Variants in USP39 observed in about 807,000 individuals in gnomAD.
USP39 encodes the protein ubiquitin carboxyl-terminal hydrolase 39.
Under a neutral mutation model 66.4 loss-of-function variants are expected in USP39, and 38 were observed. The ratio of observed to expected loss-of-function variants is 0.57; its 90% CI spans 0.44 to 0.75. The LOEUF is 0.75. Among genes scored for constraint, USP39 ranks in the 30% least tolerant of loss-of-function variants. USP39 has a pLI of 0.00. For synonymous variants in USP39, 303 were observed against 274.6 expected (o/e 1.10, Z -1.02); for missense variants, 608 against 714.4 (o/e 0.85, Z 1.70).
chr2:85,643,916 G>A (rs1676443958), intron 10 of USP39, among the ~76,000 whole-genome samples: 1 of 152,080 alleles, frequency 6.6e-6, no homozygotes, highest in Admixed American at 6.5e-5. Context: ...GCCTCCCAAA[G>A]TGTTGGGATT....
At position 85,628,131 on chromosome 2, in the gene USP39, C is replaced by G. The variant is rs932591214; in HGVS notation, c.723+2440C>G. Among the ~76,000 whole-genome samples the G allele has an allele frequency of 8.5e-5, 13 of 152,114 alleles. No homozygotes were observed. The South Asian group carries it at 2.7e-3, about 32-fold the overall frequency. On this transcript the variant is annotated intron_variant, in intron 5 of 12. Transcript: ENST00000323701. ...TTCATCAGATCGTTCCTCTTAAATC[C>G]TCTCATGGCTGCGTGAAAACTGATT...
chr2:85,630,663 C>T (rs551775905), intron 5 of USP39, 58 bp from the exon 6 acceptor site: 2 of 1,522,578 alleles, frequency 1.3e-6, no homozygotes, highest in Admixed American at 3.6e-5. Flanking sequence ...ATTGGAAGAG[C>T]TTGGCTCAAG....
chr2:85,611,651 G>A (rs1344048437), upstream of USP39: 4 of 1,557,356 alleles, frequency 2.6e-6, no homozygotes, highest in Non-Finnish European at 2.6e-6. Flanking sequence ...GGAGGCAGGC[G>A]GGGCGGGCGG....
At chr2:85,612,899 G>A (rs1281196194), upstream of USP39, among the ~76,000 whole-genome samples, 1 of 151,610 alleles carries the variant, frequency 6.6e-6, no homozygotes, top group Non-Finnish European at 1.5e-5. Flanking sequence ...GACCTCAGGT[G>A]ATCCGCCTGC....
At position 85,620,240 on chromosome 2, in the gene USP39, G is replaced by C. The variant is rs184819733; in HGVS notation, c.338+951G>C. Among the ~76,000 whole-genome samples the C allele has an allele frequency of 2.3e-3, 348 of 152,058 alleles. 1 individual carries two copies. The highest frequency in any genetic ancestry group is 8.2e-3 in the African/African-American group (342 of 41,550). ...TCATGCCTGTAATCCCAGCACTTTG[G>C]GAGGCTGAGGCAGGCAGATTGCTTG... On this transcript the variant is annotated intron_variant, in intron 2 of 12. Coordinates refer to ENST00000323701, the MANE Select transcript of USP39 (RefSeq NM_006590.4).
intron 6 of USP39, among the ~76,000 whole-genome samples, chr2:85,635,607 C>T (rs958391621): frequency 5.3e-5 from 8 of 151,988 alleles, no homozygotes; most frequent in African/African-American, 1.4e-4. Context: ...TGGCAGGTTC[C>T]GTAGACAGCA....
At position 85,647,970 on chromosome 2, in the gene USP39, C is replaced by T. The variant is rs372217346; in HGVS notation, c.1604C>T (p.Thr535Ile). ...TATGAATTACAAGACCTCCAGGTGA[C>T]TGACATCCTTCCCCAGATGATCACA... The part of the protein sequence containing the change: ...KWYELQDLQV[T>I]DILPQMITLS... The change falls in exon 12 of 13, where the codon ACT becomes ATT. Residue 535 changes from threonine (T) to isoleucine (I), a missense_variant. Around this residue, in one of 6 missense-constraint regions of USP39, gnomAD observed 164 missense variants for 250.3 expected, o/e 0.66. Coordinates refer to ENST00000323701, the MANE Select transcript of USP39 (RefSeq NM_006590.4). 1.8e-5 allele frequency: 29 copies of T among 1,614,066 alleles called. No homozygotes were observed. Among genetic ancestry groups the T allele is most frequent in the Admixed American group, 3.3e-5 (2 of 59,994 alleles).
intron 10 of USP39, among the ~76,000 whole-genome samples, chr2:85,643,236 A>G (rs542912740): frequency 5.9e-5 from 9 of 152,256 alleles, no homozygotes; most frequent in African/African-American, 2.2e-4. Flanking sequence ...CACACCTGTA[A>G]TCCCAGCCCT....
intron 2 of USP39, among the ~76,000 whole-genome samples, chr2:85,620,717 G>A (rs1674397721): frequency 6.6e-6 from 1 of 152,186 alleles, no homozygotes; most frequent in South Asian, 2.1e-4. Context: ...TGTGGCTACT[G>A]AGGGACAGCT....
chr2:85,639,370 G>T lies in USP39; in HGVS notation c.1263G>T (p.Lys421Asn). ...TGCCACTCTTCAACATCCTGGCTAA[G>T]TTCAATGGCATCACTGAGAAGGTAG... is the stretch of plus-strand genomic sequence containing the variant. ...PQVPLFNILA[K>N]FNGITEKEYK... Residue 421 changes from lysine (K) to asparagine (N), a missense_variant, in exon 9 of 13, where the codon AAG (lysine) becomes AAT (asparagine). Transcript: ENST00000323701. 1 of 1,613,236 alleles carries T rather than the reference G, an allele frequency of 6.2e-7. No individual in the cohort carries two copies. Among genetic ancestry groups the T allele is most frequent in the Non-Finnish European group, 8.5e-7 (1 of 1,179,742 alleles).
chr2:85,605,098 T>C (rs1673170040), intron 1 of USP39, among the ~76,000 whole-genome samples: 1 of 152,062 alleles, frequency 6.6e-6, no homozygotes, highest in Admixed American at 6.6e-5. Flanking sequence ...GTCTGTCTAG[T>C]TGTTATGTTC....
chr2:85,648,111 C>A, intron 12 of USP39, 95 bp downstream of exon 12: 1 of 1,381,918 alleles, frequency 7.2e-7, no homozygotes, highest in Non-Finnish European at 1.0e-6. Flanking sequence ...AGAGTTAGGA[C>A]CTTGGTTGGA....
rs546250540 is a variant in USP39, at chr2:85,626,611, A to T, written c.723+920A>T. ...AGAAACATGCCAGATGCATTTTTTTAAAAAAATGGTGTAGATATTTGTTGT... is the reference window on the plus strand; with the variant it reads ...AGAAACATGCCAGATGCATTTTTTTTAAAAAATGGTGTAGATATTTGTTGT... On this transcript the variant is annotated intron_variant, in intron 5 of 12. Transcript: ENST00000323701. Among the ~76,000 whole-genome samples, 91 of 152,242 alleles carry T rather than the reference A, an allele frequency of 6.0e-4. 2 individuals carry two copies. In the South Asian group the frequency reaches 0.011, roughly 18 times the overall value.
intron 5 of USP39, among the ~76,000 whole-genome samples, chr2:85,626,422 C>G (rs1674866992): frequency 1.3e-5 from 2 of 152,198 alleles, no homozygotes; most frequent in Admixed American, 6.6e-5. Context: ...GACACCAAGT[C>G]TTGCTAAGGA....
At chr2:85,612,173 G>A, upstream of USP39, 1 of 923,130 alleles carries the variant, frequency 1.1e-6, no homozygotes, top group Non-Finnish European at 1.6e-6. Flanking sequence ...GGTGGAGTAG[G>A]GTATGCTTGA....
upstream of USP39, among the ~76,000 whole-genome samples, chr2:85,612,832 T>TG (rs1422015868): frequency 3.3e-5 from 5 of 152,136 alleles, no homozygotes; most frequent in South Asian, 4.1e-4. Flanking sequence ...GGCTAAGTTT[T>TG]GTATTTTTGG....
intron 2 of USP39, among the ~76,000 whole-genome samples, chr2:85,620,527 A>C (rs1674381478): frequency 6.6e-6 from 1 of 152,080 alleles, no homozygotes; most frequent in South Asian, 2.1e-4. Context: ...TATGGTAGGC[A>C]TGAGCCACCT....
chr2:85,637,261 C>G lies in USP39; in HGVS notation c.1028-108C>G, dbSNP rs1366409744. 5.0e-6 allele frequency: 6 copies of G among 1,198,960 alleles called. No individual in the cohort carries two copies. The East Asian group carries it at 1.2e-4, about 24-fold the overall frequency. The allele number at this position is 1,198,960 out of a possible 1,614,324, so 74.3% of individuals were successfully genotyped here. ...TCTGTGTTTAGTGAGAGCTCTGTGT[C>G]TTTTGCTGGAAGATGCTGGTTTATT... On this transcript the variant is annotated intron_variant, in intron 7 of 12. Coordinates refer to ENST00000323701, the MANE Select transcript of USP39 (RefSeq NM_006590.4).
chr2:85,639,417 C>T (rs745707747), intron 9 of USP39, 26 bp downstream of exon 9: 21 of 1,572,586 alleles, frequency 1.3e-5, no homozygotes, highest in African/African-American at 2.8e-5. Flanking sequence ...ACCTGCCCTG[C>T]CTATACTTAC....
Sources: gnomAD v4.1 joint callset for allele counts (sites outside exome capture counted in the v4.1 genomes callset) on GRCh38, gnomAD v4.1.1 for gene constraint, gnomAD v4.1.1 regional missense constraint, MANE v1.5 for transcripts, NCBI Gene and HGNC (gene_info 2026-07-23, HGNC 2026-07-21) for gene names.